FAM168A: variants seen among roughly 807,000 people sequenced by gnomAD.
FAM168A encodes the protein family with sequence similarity 168 member A.
Under a neutral mutation model 28.5 loss-of-function variants are expected in FAM168A, and 3 were observed. The ratio of observed to expected loss-of-function variants is 0.11; its 90% CI spans 0.05 to 0.27. FAM168A has a LOEUF of 0.27. Ranked by LOEUF, FAM168A falls within the 10% of genes least tolerant of loss-of-function variation. FAM168A has a pLI of 1.00. For missense variants in FAM168A, 222 were observed against 311.5 expected (o/e 0.71, Z 2.16); for synonymous variants, 122 against 124.2 (o/e 0.98, Z 0.12).
chr11:73,522,865 T>C (rs550627712), intron 1 of FAM168A, among the ~76,000 whole-genome samples: 5 of 151,712 alleles, frequency 3.3e-5, no homozygotes, highest in Non-Finnish European at 5.9e-5. Flanking sequence ...ATACAAAAAT[T>C]AGCCAGGCAT....
At chr11:73,408,860 A>G (rs1265989585) in intron 6 of FAM168A, among the ~76,000 whole-genome samples, 1 of 151,708 alleles carries the variant, frequency 6.6e-6, no homozygotes, top group Non-Finnish European at 1.5e-5. Context: ...ATTATTGCAC[A>G]GGTCCTTAAG....
intron 1 of FAM168A, among the ~76,000 whole-genome samples, chr11:73,581,865 T>C (rs1323438174): frequency 6.6e-6 from 1 of 152,062 alleles, no homozygotes; most frequent in Non-Finnish European, 1.5e-5. Context: ...ACTACAGGCA[T>C]GCGCCACCAT....
chr11:73,443,210 T>A (rs183346225), intron 2 of FAM168A, among the ~76,000 whole-genome samples: 1 of 151,986 alleles, frequency 6.6e-6, no homozygotes, highest in African/African-American at 2.4e-5. Flanking sequence ...TTTAGAATTA[T>A]GTATACATTA....
intron 1 of FAM168A, among the ~76,000 whole-genome samples, chr11:73,486,168 C>CT (rs1178145087): frequency 3.3e-5 from 5 of 152,190 alleles, no homozygotes; most frequent in Non-Finnish European, 7.4e-5. Flanking sequence ...ACTCACAACA[C>CT]TGGAGGGTTT....
intron 1 of FAM168A, among the ~76,000 whole-genome samples, chr11:73,490,399 T>C (rs1868111770): frequency 6.6e-6 from 1 of 152,218 alleles, no homozygotes; most frequent in African/African-American, 2.4e-5. Context: ...TAATCCTCAG[T>C]GACTTCCTAC....
intron 1 of FAM168A, among the ~76,000 whole-genome samples, chr11:73,516,481 T>C (rs1277529429): frequency 1.3e-5 from 2 of 152,202 alleles, no homozygotes; most frequent in African/African-American, 4.8e-5. Context: ...TATACTATGA[T>C]AGAATCAAGT....
Position 73,484,548 on chromosome 11 carries a change from C to CTA in FAM168A, c.-18-16058_-18-16057dup, listed in dbSNP as rs1555026158. Reference sequence around the variant, plus strand: ...TATATCTATATATCTATATATCTATCTATATCTATATATCTATATATCTAT... The same window carrying CTA: ...TATATCTATATATCTATATATCTATCTATATATCTATATATCTATATATCTAT... On this transcript the variant is annotated intron_variant, in intron 1 of 7. Coordinates refer to ENST00000356467, the MANE Select transcript of FAM168A (RefSeq NM_015159.3). 1.8e-3 allele frequency among the ~76,000 whole-genome samples: 226 copies of CTA among 124,828 alleles called. 2 individuals carry two copies. The highest frequency in any genetic ancestry group is 8.5e-3 in the African/African-American group (216 of 25,552). The allele number at this position is 124,828 out of a possible 152,430, so 81.9% of individuals were successfully genotyped here.
At chr11:73,574,038 C>A (rs1220517235) in intron 1 of FAM168A, among the ~76,000 whole-genome samples, 1 of 151,824 alleles carries the variant, frequency 6.6e-6, no homozygotes. Flanking sequence ...GCAGGGGGAT[C>A]ACTAAGCCCA....
At chr11:73,437,563 C>A (rs952072825) in intron 2 of FAM168A, among the ~76,000 whole-genome samples, 13 of 150,434 alleles carry the variant, frequency 8.6e-5, no homozygotes, top group Non-Finnish European at 1.5e-5. Context: ...ATGCTCAGAA[C>A]CTCTTCAGTG....
chr11:73,519,056 C>T (rs1331292524), intron 1 of FAM168A, among the ~76,000 whole-genome samples: 1 of 152,106 alleles, frequency 6.6e-6, no homozygotes, highest in Non-Finnish European at 1.5e-5. Flanking sequence ...CCAAAGAAGC[C>T]CCTTTTCTTT....
intron 1 of FAM168A, among the ~76,000 whole-genome samples, chr11:73,482,516 G>A (rs1867981391): frequency 6.6e-6 from 1 of 151,790 alleles, no homozygotes; most frequent in African/African-American, 2.4e-5. Flanking sequence ...GATACTGAGG[G>A]AATGTGAAGA....
chr11:73,476,242 A>C (rs898292795), intron 1 of FAM168A, among the ~76,000 whole-genome samples: 3 of 152,156 alleles, frequency 2.0e-5, no homozygotes, highest in African/African-American at 7.2e-5. Context: ...GCCTGCGTTT[A>C]ATCAGAACTC....
intron 1 of FAM168A, among the ~76,000 whole-genome samples, chr11:73,507,177 G>A (rs1025601477): frequency 7.9e-5 from 12 of 152,278 alleles, no homozygotes; most frequent in African/African-American, 2.9e-4. Flanking sequence ...ACTATATGGT[G>A]GGAGCACGTG....
At chr11:73,582,946 A>G (rs1944265652) in intron 1 of FAM168A, among the ~76,000 whole-genome samples, 1 of 152,212 alleles carries the variant, frequency 6.6e-6, no homozygotes, top group Non-Finnish European at 1.5e-5. Flanking sequence ...GGGCTAAAGT[A>G]GAGTAGAGAC....
intron 1 of FAM168A, among the ~76,000 whole-genome samples, chr11:73,553,072 C>T (rs1481216634): frequency 6.6e-6 from 1 of 152,064 alleles, no homozygotes; most frequent in African/African-American, 2.4e-5. Flanking sequence ...ATTAATTAAT[C>T]CTATCAAGCC....
At chr11:73,472,236 G>A (rs1366196964) in intron 1 of FAM168A, among the ~76,000 whole-genome samples, 2 of 152,084 alleles carry the variant, frequency 1.3e-5, no homozygotes, top group Admixed American at 6.5e-5. Context: ...AAGATGATTC[G>A]AAAAAGTGTC....
intron 1 of FAM168A, among the ~76,000 whole-genome samples, chr11:73,558,867 A>C (rs1943920777): frequency 6.6e-6 from 1 of 152,234 alleles, no homozygotes; most frequent in South Asian, 2.1e-4. Context: ...AAAATGGTGC[A>C]GCCATTATGG....
At chr11:73,536,158 T>C (rs935358091) in intron 1 of FAM168A, among the ~76,000 whole-genome samples, 3 of 152,198 alleles carry the variant, frequency 2.0e-5, no homozygotes, top group Admixed American at 2.0e-4. Flanking sequence ...CATTTAAAAC[T>C]TCTAATCAGC....
chr11:73,407,700 A>G, intron 6 of FAM168A, 57 bp from the exon 7 acceptor site: 1 of 1,407,674 alleles, frequency 7.1e-7, no homozygotes, highest in Non-Finnish European at 9.9e-7. Context: ...CACAGGAATG[A>G]AGAGGATGAA....
Sources: allele counts gnomAD v4.1 joint callset (sites outside exome capture counted in the v4.1 genomes callset), GRCh38; gene constraint gnomAD v4.1.1; transcripts MANE v1.5; gene names NCBI Gene and HGNC (gene_info 2026-07-23, HGNC 2026-07-21).